The following PARD3B variants were observed in gnomAD, a reference collection of about 807,000 sequenced individuals.
PARD3B encodes the protein partitioning defective 3 homolog B.
Under a neutral mutation model 130.2 loss-of-function variants are expected in PARD3B, and 103 were observed. The ratio of observed to expected loss-of-function variants is 0.79; its 90% CI spans 0.67 to 0.93. The LOEUF is 0.93. PARD3B is among the 40% of genes least tolerant of loss of function. The probability of loss-of-function intolerance (pLI) is 0.00; values close to 1 mark genes in which losing one functional copy is unlikely to be tolerated. For missense variants in PARD3B, 1,609 were observed against 1,499.2 expected, an observed-to-expected ratio of 1.07 and a Z score of -1.21; for synonymous variants, 583 against 553.2, an observed-to-expected ratio of 1.05 and a Z score of -0.76.
At chr2:205,422,023 T>C (rs773829923) in intron 19 of PARD3B, among the ~76,000 whole-genome samples, 2 of 152,182 alleles carry the variant, frequency 1.3e-5, no homozygotes, top group African/African-American at 4.8e-5. Context: ...GCTGCTTCCA[T>C]GAAGATTCCA....
chr2:205,150,252 T>TGTGTGTGTGCGC lies in PARD3B; in HGVS notation c.1435-8469_1435-8468insTGTGTGTGCGCG, dbSNP rs375301293. On this transcript the variant is annotated intron_variant, in intron 10 of 22. Transcript: ENST00000406610. ...GTGTGTGTGTGTGTGTGTGTGTGTG[T>TGTGTGTGTGCGC]GCACACACGCTTGAAATCTGTGAGT... 1.2e-3 allele frequency among the ~76,000 whole-genome samples: 172 copies of TGTGTGTGTGCGC among 145,876 alleles called. 1 individual carries two copies. Among genetic ancestry groups the TGTGTGTGTGCGC allele is most frequent in the Admixed American group, 5.3e-3 (77 of 14,638 alleles).
intron 2 of PARD3B, among the ~76,000 whole-genome samples, chr2:204,898,178 T>A (rs1010453695): frequency 6.6e-6 from 1 of 152,032 alleles, no homozygotes; most frequent in Admixed American, 6.5e-5. Context: ...ACCATTTCTT[T>A]TTTTTTATTT....
intron 20 of PARD3B, among the ~76,000 whole-genome samples, chr2:205,459,209 T>A (rs2079898445): frequency 6.6e-6 from 1 of 152,210 alleles, no homozygotes; most frequent in African/African-American, 2.4e-5. Context: ...CAGTTCAGTG[T>A]GCTTACCTAC....
chr2:205,128,666 G>A lies in PARD3B; in HGVS notation c.1434+2929G>A, dbSNP rs183862946. On this transcript the variant is annotated intron_variant, in intron 10 of 22. Transcript: ENST00000406610. This position sits in a 1 kb window ranked among gnomAD's most constrained non-coding sequence, Gnocchi z 4.5. ...GGCTAATTGTAAGTTCTCAAAATACGTTAGCTATAATTTTTTTTTCTAATA... is the reference window on the plus strand; with the variant it reads ...GGCTAATTGTAAGTTCTCAAAATACATTAGCTATAATTTTTTTTTCTAATA... Among the ~76,000 whole-genome samples the A allele has an allele frequency of 8.5e-5, 13 of 152,224 alleles. No homozygotes were observed. Among genetic ancestry groups the A allele is most frequent in the Middle Eastern group, 3.4e-3 (1 of 294 alleles).
chr2:205,305,540 CTG>C (rs1213447795), intron 18 of PARD3B, among the ~76,000 whole-genome samples: 1 of 152,166 alleles, frequency 6.6e-6, no homozygotes, highest in Non-Finnish European at 1.5e-5. Context: ...AATTTATGAA[CTG>C]TGAGTTAACC....
At chr2:204,791,443 T>C (rs1477657251) in intron 2 of PARD3B, among the ~76,000 whole-genome samples, 1 of 152,182 alleles carries the variant, frequency 6.6e-6, no homozygotes, top group East Asian at 1.9e-4. Context: ...TAAGGAAACA[T>C]TGGTGGTTTA....
intron 2 of PARD3B, among the ~76,000 whole-genome samples, chr2:204,712,905 C>T (rs73059084): frequency 0.26 from 39,454 of 151,846 alleles, 6,334 homozygotes; most frequent in African/African-American, 0.46. Context: ...AATGAATTGT[C>T]GAGTTTTATA....
intron 4 of PARD3B, among the ~76,000 whole-genome samples, chr2:205,050,672 T>C (rs371791865): frequency 6.6e-6 from 1 of 152,040 alleles, no homozygotes; most frequent in East Asian, 1.9e-4. Flanking sequence ...GTATATTGGC[T>C]TGAATAAAAT....
intron 21 of PARD3B, among the ~76,000 whole-genome samples, chr2:205,543,135 G>A (rs562317021): frequency 2.6e-5 from 4 of 152,202 alleles, no homozygotes; most frequent in Non-Finnish European, 5.9e-5. Flanking sequence ...CAGGCCTTGA[G>A]AATGCAATGG....
In PARD3B at chr2:205,113,557, C is replaced by G. The variant is rs1354810839; in HGVS notation, c.660C>G (p.Phe220Leu). 6.2e-7 allele frequency: 1 copy of G among 1,612,240 alleles called. No homozygotes were observed. Among genetic ancestry groups the G allele is most frequent in the Non-Finnish European group, 8.5e-7 (1 of 1,178,784 alleles). Residue 220 changes from phenylalanine to leucine, a missense_variant, in exon 6 of 23, where the codon TTC becomes TTG. Physicochemically the swap from Phe to Leu is conservative, Grantham distance 22. Transcript: ENST00000406610. Reference protein sequence around the residue: ...GGPLGIHVVPFFSSLSGRILG... With the variant: ...GGPLGIHVVPLFSSLSGRILG... Reference sequence around the variant, plus strand: ...CATTGGGAATACATGTAGTGCCCTTCTTTTCATCTCTGAGTGGAAGGTAAG... The same window carrying G: ...CATTGGGAATACATGTAGTGCCCTTGTTTTCATCTCTGAGTGGAAGGTAAG...
Position 204,874,715 on chromosome 2 carries a change from A to G in PARD3B, c.223-90437A>G, listed in dbSNP as rs568861599. 7.2e-5 allele frequency among the ~76,000 whole-genome samples: 11 copies of G among 152,244 alleles called. No homozygotes were observed. The South Asian group carries it at 1.9e-3, about 26-fold the overall frequency. ...CGTAGCTGTTTTTCATTATTTCACT[A>G]AGTTGCCATGTGCCTCTTTCCAATT... On this transcript the variant is annotated intron_variant, in intron 2 of 22. Transcript: ENST00000406610.
chr2:204,682,728 C>T (rs370804426), intron 1 of PARD3B, among the ~76,000 whole-genome samples: 9 of 152,184 alleles, frequency 5.9e-5, no homozygotes, highest in African/African-American at 1.9e-4. Context: ...TCTTCTTGGA[C>T]TACAGGCATC....
chr2:205,316,575 C>T (rs1213787510), intron 18 of PARD3B, among the ~76,000 whole-genome samples: 1 of 152,204 alleles, frequency 6.6e-6, no homozygotes, highest in Non-Finnish European at 1.5e-5. Flanking sequence ...TTTACTTAAA[C>T]TCCGTATCTA....
chr2:204,597,441 C>A (rs898851110), intron 1 of PARD3B, among the ~76,000 whole-genome samples: 4 of 152,104 alleles, frequency 2.6e-5, no homozygotes, highest in African/African-American at 9.7e-5. Flanking sequence ...GTGATGGGAA[C>A]TACAGGAAGC....
At chr2:204,551,581 T>C (rs1181334003) in intron 1 of PARD3B, among the ~76,000 whole-genome samples, 1 of 151,984 alleles carries the variant, frequency 6.6e-6, no homozygotes, top group Admixed American at 6.5e-5. Context: ...CACACACACA[T>C]CCCCACACAC....
At chr2:204,709,940 A>G (rs1305472284) in intron 2 of PARD3B, among the ~76,000 whole-genome samples, 1 of 152,148 alleles carries the variant, frequency 6.6e-6, no homozygotes, top group Non-Finnish European at 1.5e-5. Flanking sequence ...AGTTTTGTCT[A>G]TTTTTCACAG....
At chr2:205,443,838 C>T (rs2047810779) in intron 20 of PARD3B, among the ~76,000 whole-genome samples, 1 of 152,078 alleles carries the variant, frequency 6.6e-6, no homozygotes, top group South Asian at 2.1e-4. Context: ...AGTGGCTGTC[C>T]AGAAATCTGT....
In PARD3B at chr2:205,558,042, A is replaced by C. The variant is rs980221990; in HGVS notation, c.3260+4639A>C. On this transcript the variant is annotated intron_variant, in intron 22 of 22. Transcript: ENST00000406610. The surrounding 1 kb of genome is among the most constrained non-coding windows in gnomAD (Gnocchi z 4.8). ...TGAAGGATTCGCCGACTCAGGAAAG[A>C]CCAGTGGTCTGGATGGTCAAGTGCA... 4.6e-5 allele frequency among the ~76,000 whole-genome samples: 7 copies of C among 152,180 alleles called. No individual in the cohort carries two copies. Among genetic ancestry groups the C allele is most frequent in the Non-Finnish European group, 1.0e-4 (7 of 68,028 alleles).
chr2:205,237,756 A>G (rs1208496895), intron 15 of PARD3B, among the ~76,000 whole-genome samples: 1 of 152,216 alleles, frequency 6.6e-6, no homozygotes, highest in Non-Finnish European at 1.5e-5. Context: ...AGAGAAAGAC[A>G]GCAAAGTGAG....
Sources: allele counts gnomAD v4.1 joint callset (sites outside exome capture counted in the v4.1 genomes callset), GRCh38; gene constraint gnomAD v4.1.1; non-coding constraint Gnocchi (gnomAD v3.1); transcripts MANE v1.5; gene names NCBI Gene and HGNC (gene_info 2026-07-23, HGNC 2026-07-21).